The following NEB variants were observed in gnomAD, a reference collection of about 807,000 sequenced individuals.
The protein encoded by NEB is nemaline myopathy type 2.
A neutral mutation model predicts 952.2 loss-of-function variants in NEB; 512 were observed. That is an observed-to-expected ratio of 0.54 (90% CI 0.50 to 0.58). NEB has a LOEUF of 0.58. Among genes scored for constraint, NEB ranks in the 20% least tolerant of loss-of-function variants. The pLI, the probability that NEB is intolerant of heterozygous loss-of-function variation, is 0.00. For synonymous variants in NEB, 2,900 were observed against 3,149.8 expected (o/e 0.92, Z 2.66); for missense variants, 8,428 against 9,231.1 (o/e 0.91, Z 3.56).
At chr2:151,704,860 G>T (rs909742634) in intron 13 of NEB, among the ~76,000 whole-genome samples, 6 of 152,162 alleles carry the variant, frequency 3.9e-5, no homozygotes, top group Non-Finnish European at 8.8e-5. Flanking sequence ...GACCGGAGCT[G>T]TTCCTATTCG....
At chr2:151,498,517 T>C (rs917881273) in intron 169 of NEB, among the ~76,000 whole-genome samples, 165 bp from the exon 170 acceptor site, 1 of 152,040 alleles carries the variant, frequency 6.6e-6, no homozygotes, top group Admixed American at 6.6e-5. Flanking sequence ...AAAGACATCT[T>C]CAAAAGCAAA....
chr2:151,687,629 G>A lies in NEB; in HGVS notation c.2520C>T (p.Ser840=), dbSNP rs757826030. 47 of 1,612,822 alleles carry A rather than the reference G, an allele frequency of 2.9e-5. No individual in the cohort carries two copies. Among genetic ancestry groups the A allele is most frequent in the Non-Finnish European group, 3.6e-5 (43 of 1,179,300 alleles). Residue 840 remains serine, a synonymous_variant, in exon 26 of 182, where the codon AGC becomes AGT. Coordinates refer to ENST00000397345, the MANE Select transcript of NEB (RefSeq NM_001164508.2). The part of the protein sequence containing the change: ...LAAKANTKNT[S]DVMYKKDYEK... ...CAGGTCCCCAGGCCACACTCACATC[G>A]CTGGTGTTCTTGGTGTTGGCTTTGG...
intron 162 of NEB, chr2:151,507,262 A>G (rs1034848669): frequency 6.1e-5 from 25 of 408,218 alleles, no homozygotes; most frequent in African/African-American, 4.6e-4. Context: ...TTTAACTTTG[A>G]AAAAGATAGA....
In NEB at chr2:151,627,608, T is replaced by C. The variant is rs368224713; in HGVS notation, c.10058A>G (p.Tyr3353Cys). 10 of 1,613,928 alleles carry C rather than the reference T, an allele frequency of 6.2e-6. No individual in the cohort carries two copies. Among genetic ancestry groups the C allele is most frequent in the East Asian group, 4.5e-5 (2 of 44,894 alleles). Residue 3353 changes from tyrosine (Y) to cysteine (C), a missense_variant, in exon 69 of 182, where the codon TAC (tyrosine) becomes TGC (cysteine). Transcript: ENST00000397345. The part of the protein sequence containing the change: ...KCQTLVSDVD[Y>C]KNYLHEWTCL... Reference sequence around the variant, plus strand: ...CGTCCACTCGTGCAGGTAGTTCTTGTAGTCCACATCGCTGACTAAGGTCTG... The same window carrying C: ...CGTCCACTCGTGCAGGTAGTTCTTGCAGTCCACATCGCTGACTAAGGTCTG...
intron 121 of NEB, among the ~76,000 whole-genome samples, chr2:151,561,610 T>A (rs1188060792): frequency 5.2e-4 from 78 of 149,446 alleles, no homozygotes; most frequent in Non-Finnish European, 1.0e-3. Context: ...TTTTTTTTTT[T>A]ATTATTATAC....
chr2:151,622,237 C>A (rs1165722314), intron 71 of NEB, among the ~76,000 whole-genome samples: 4 of 152,142 alleles, frequency 2.6e-5, no homozygotes, highest in Non-Finnish European at 5.9e-5. Flanking sequence ...TCCCTCCTGC[C>A]TCAGCCTCCC....
In NEB at chr2:151,552,457, C is replaced by G. The variant is rs546641596; in HGVS notation, c.19836+215G>C. Among the ~76,000 whole-genome samples the G allele has an allele frequency of 8.5e-5, 13 of 152,238 alleles. No homozygotes were observed. In the South Asian group the frequency reaches 1.0e-3, roughly 12 times the overall value. On this transcript the variant is annotated intron_variant, in intron 128 of 181. Transcript: ENST00000397345. ...AAGGCACAAAGTTACTTCATAGACT[C>G]GCATCACCTACAACTCCGCCCCAGC...
rs1577280767 is a variant in NEB at position 151,710,445 on chromosome 2, T to C, written c.916A>G (p.Asn306Asp). The C allele has an allele frequency of 1.2e-6, 2 of 1,608,342 alleles. No individual in the cohort carries two copies. The highest frequency in any genetic ancestry group is 4.5e-5 in the East Asian group (2 of 44,854). The change falls in exon 11 of 182, where the codon AAC becomes GAC. Residue 306 changes from asparagine (N) to aspartate (D), a missense_variant. Around this residue, in one of 11 missense-constraint regions of NEB, gnomAD observed 2,851 missense variants for 2,791.5 expected, o/e 1.02. Coordinates refer to ENST00000397345, the MANE Select transcript of NEB (RefSeq NM_001164508.2). ...EVANARMNAD[N>D]ISTRKYQEDF... is the part of the protein sequence containing the mutation. ...CCTTCCCACTTAACTGTGCTAATGT[T>C]ATCAGCATTCATTCTGGCATTTGCA... is the stretch of plus-strand genomic sequence containing the variant.
At chr2:151,671,290 G>A in intron 37 of NEB, 61 bp from the exon 38 acceptor site, 1 of 1,384,258 alleles carries the variant, frequency 7.2e-7, no homozygotes, top group South Asian at 1.3e-5. Flanking sequence ...GATGTTTCTG[G>A]GATCTGCAAT....
At chr2:151,567,865 T>A (rs1399746162) in intron 113 of NEB, among the ~76,000 whole-genome samples, 1 of 150,216 alleles carries the variant, frequency 6.7e-6, no homozygotes, top group Non-Finnish European at 1.5e-5. Flanking sequence ...AGGGGGGTGG[T>A]GGGCGGGTGA....
At chr2:151,493,663 AT>A in intron 175 of NEB, 111 bp downstream of exon 175, 1 of 931,292 alleles carries the variant, frequency 1.1e-6, no homozygotes, top group Non-Finnish European at 1.6e-6. Context: ...ACAAGGAAGA[AT>A]TTTTAAAGAT....
At chr2:151,693,989 G>A (rs1290678736) in intron 20 of NEB, among the ~76,000 whole-genome samples, 1 of 152,010 alleles carries the variant, frequency 6.6e-6, no homozygotes, top group Non-Finnish European at 1.5e-5. Context: ...AGGGCATTGG[G>A]TGAATATATA....
In NEB at chr2:151,563,705, C is replaced by G. The variant is rs1052632945; in HGVS notation, c.18594G>C (p.Glu6198Asp). 6.2e-7 allele frequency: 1 copy of G among 1,613,538 alleles called. No individual in the cohort carries two copies. Among genetic ancestry groups the G allele is most frequent in the African/African-American group, 1.3e-5 (1 of 74,894 alleles). The change falls in exon 119 of 182, where the codon GAG becomes GAC. Residue 6198 changes from glutamate (E) to aspartate (D), a missense_variant. Coordinates refer to ENST00000397345, the MANE Select transcript of NEB (RefSeq NM_001164508.2). ...DLVNSELKYK[E>D]TYEKQKGHYL... ...AGTGACCTTTCTGCTTCTCATATGT[C>G]TCTTTGTATTTAAGCTGTAAAGTGG...
At chr2:151,513,798 A>T in intron 159 of NEB, 105 bp from the exon 160 acceptor site, 1 of 791,980 alleles carries the variant, frequency 1.3e-6, no homozygotes. Context: ...CCCAGTTGTC[A>T]CAGATAGTGT....
At chr2:151,575,288 T>TA (rs1333142721) in intron 107 of NEB, among the ~76,000 whole-genome samples, 1 of 152,180 alleles carries the variant, frequency 6.6e-6, no homozygotes, top group African/African-American at 2.4e-5. Context: ...TTTGGTCACT[T>TA]ATGATTTTCT....
chr2:151,708,921 C>T (rs924131358), intron 12 of NEB, among the ~76,000 whole-genome samples: 1 of 152,206 alleles, frequency 6.6e-6, no homozygotes, highest in Non-Finnish European at 1.5e-5. Context: ...TGCCCTGCTA[C>T]CCTCCTGGTC....
intron 26 of NEB, 31 bp downstream of exon 26, chr2:151,687,595 C>A (rs2099512916): frequency 6.2e-7 from 1 of 1,613,148 alleles, no homozygotes; most frequent in Non-Finnish European, 8.5e-7. Flanking sequence ...GCCACCCTGT[C>A]CAGGTCCCCA....
chr2:151,496,210 T>G (rs985249204), intron 173 of NEB, 66 bp downstream of exon 173: 3 of 1,424,678 alleles, frequency 2.1e-6, no homozygotes, highest in African/African-American at 1.4e-5. Context: ...TTAATATGTA[T>G]TATTTTAAAT....
At chr2:151,500,230 A>G (rs1047046575) in intron 168 of NEB, among the ~76,000 whole-genome samples, 18 of 152,180 alleles carry the variant, frequency 1.2e-4, no homozygotes, top group African/African-American at 3.9e-4. Context: ...GGGACCAAAG[A>G]AAGTTACTGA....
Sources: gnomAD v4.1 joint callset for allele counts (sites outside exome capture counted in the v4.1 genomes callset) on GRCh38, gnomAD v4.1.1 for gene constraint, gnomAD v4.1.1 regional missense constraint, MANE v1.5 for transcripts, NCBI Gene and HGNC (gene_info 2026-07-23, HGNC 2026-07-21) for gene names.